The following SLC25A16 variants were observed in gnomAD, a reference collection of about 807,000 sequenced individuals.
The protein encoded by SLC25A16 is solute carrier family 25 member 16.
In SLC25A16, 39 loss-of-function variants were observed where a neutral mutation model predicts 41.5. The ratio of observed to expected loss-of-function variants is 0.94; its 90% CI spans 0.73 to 1.23. The LOEUF (loss-of-function observed/expected upper bound fraction) is 1.23. SLC25A16 is among the 50% of genes most tolerant of loss of function. The pLI is 0.00. For missense variants in SLC25A16, 421 were observed against 426.9 expected (o/e 0.99, Z 0.12); for synonymous variants, 146 against 147.8 (o/e 0.99, Z 0.09).
chr10:68,486,034 G>A (rs1232894041), intron 8 of SLC25A16, among the ~76,000 whole-genome samples: 9 of 150,584 alleles, frequency 6.0e-5, no homozygotes, highest in South Asian at 2.1e-4. Flanking sequence ...CCTTGCCAAC[G>A]TGGTGAAACC....
intron 2 of SLC25A16, among the ~76,000 whole-genome samples, chr10:68,513,186 T>C (rs1350105240): frequency 6.6e-6 from 1 of 151,772 alleles, no homozygotes; most frequent in Non-Finnish European, 1.5e-5. Flanking sequence ...CTCTATTTTT[T>C]TTTTTTTAAT....
intron 1 of SLC25A16, among the ~76,000 whole-genome samples, chr10:68,519,192 CAAAA>C (rs1564929386): frequency 6.8e-6 from 1 of 147,082 alleles, no homozygotes. Flanking sequence ...AACTCCGTCT[CAAAA>C]AACAAAAAAA....
chr10:68,522,643 G>A lies in SLC25A16; in HGVS notation c.130+4603C>T, dbSNP rs546498305. Among the ~76,000 whole-genome samples the A allele has an allele frequency of 5.3e-5, 8 of 152,024 alleles. No homozygotes were observed. The East Asian group carries it at 9.7e-4, about 18-fold the overall frequency. ...ATCCTTGCTAACACGGTGAAACCCC[G>A]TCTCTACTAAAAATACAAAAAATTA... On this transcript the variant is annotated intron_variant, in intron 1 of 8. Coordinates refer to ENST00000609923, the MANE Select transcript of SLC25A16 (RefSeq NM_152707.4).
intron 2 of SLC25A16, among the ~76,000 whole-genome samples, chr10:68,510,496 C>T (rs1463605111): frequency 1.3e-5 from 2 of 151,996 alleles, no homozygotes; most frequent in East Asian, 3.9e-4. Context: ...GAGCCGAGAT[C>T]GTGCCATTGC....
chr10:68,487,240 T>C (rs1228093127), intron 7 of SLC25A16, 28 bp from the exon 8 acceptor site: 1 of 1,603,142 alleles, frequency 6.2e-7, no homozygotes, highest in Non-Finnish European at 8.5e-7. Context: ...CATAAAGAAT[T>C]AAAAATTTTT....
intron 4 of SLC25A16, among the ~76,000 whole-genome samples, chr10:68,494,997 G>T (rs890212725): frequency 6.6e-6 from 1 of 151,474 alleles, no homozygotes; most frequent in Non-Finnish European, 1.5e-5. Context: ...GGTAAAGGAG[G>T]TGTGTGGGTA....
At chr10:68,484,817 A>G (rs1436166917) in intron 8 of SLC25A16, among the ~76,000 whole-genome samples, 2 of 152,114 alleles carry the variant, frequency 1.3e-5, no homozygotes, top group African/African-American at 2.4e-5. Context: ...TTCCCCTGAG[A>G]GACAACATAT....
chr10:68,492,558 C>T (rs1395974040), intron 6 of SLC25A16, among the ~76,000 whole-genome samples: 4 of 151,980 alleles, frequency 2.6e-5, no homozygotes, highest in Admixed American at 1.3e-4. Context: ...CACCTGAGGT[C>T]GGGAGTTTGA....
intron 2 of SLC25A16, among the ~76,000 whole-genome samples, chr10:68,509,825 ACTCAT>A (rs1241588601): frequency 2.6e-5 from 4 of 151,602 alleles, no homozygotes; most frequent in African/African-American, 9.7e-5. Context: ...AGGCGCGGTG[ACTCAT>A]GCTTCTAATC....
At chr10:68,499,359 T>C (rs1456150013) in intron 4 of SLC25A16, among the ~76,000 whole-genome samples, 1 of 152,224 alleles carries the variant, frequency 6.6e-6, no homozygotes, top group East Asian at 1.9e-4. Context: ...TCTAACACTT[T>C]CCTTCTTTTT....
chr10:68,494,266 G>T (rs892376851), intron 4 of SLC25A16, among the ~76,000 whole-genome samples: 1 of 151,562 alleles, frequency 6.6e-6, no homozygotes, highest in South Asian at 2.1e-4. Context: ...AGATCGAGCC[G>T]TCCTGGCCAA....
At chr10:68,484,767 T>C (rs1307819971) in intron 8 of SLC25A16, among the ~76,000 whole-genome samples, 1 of 152,072 alleles carries the variant, frequency 6.6e-6, no homozygotes, top group African/African-American at 2.4e-5. Context: ...ATCTTTTGGG[T>C]GAACACGGCA....
chr10:68,517,278 T>C, intron 1 of SLC25A16: 1 of 986,370 alleles, frequency 1.0e-6, no homozygotes, highest in African/African-American at 1.7e-5. Flanking sequence ...GGATCATTTT[T>C]CATTGAAACA....
chr10:68,488,997 T>A (rs1275742716), intron 6 of SLC25A16, among the ~76,000 whole-genome samples: 3 of 152,058 alleles, frequency 2.0e-5, no homozygotes, highest in Admixed American at 6.6e-5. Context: ...TGGCCGGGCG[T>A]GGTGGCTCAC....
intron 2 of SLC25A16, 149 bp downstream of exon 2, chr10:68,516,602 G>C: frequency 1.9e-6 from 1 of 530,538 alleles, no homozygotes. Flanking sequence ...TCTGAGAGAA[G>C]TTACTATTTA....
At position 68,481,807 on chromosome 10, in the gene SLC25A16, T is replaced by G. The variant is rs2133471810; in HGVS notation, c.*1625A>C. On this transcript the variant is annotated 3_prime_UTR_variant, in exon 9 of 9. Coordinates refer to ENST00000609923, the MANE Select transcript of SLC25A16 (RefSeq NM_152707.4). ...TTTGTATTTTTAGTAGAGGTGGGGT[T>G]TCACCATGCTGATCTTAAACTCCTG... 1 of 152,108 alleles carries G rather than the reference T, an allele frequency of 6.6e-6. No individual in the cohort carries two copies. Among genetic ancestry groups the G allele is most frequent in the South Asian group, 2.1e-4 (1 of 4,812 alleles). 9.4% of individuals were successfully genotyped at this position (152,108 alleles called of 1,614,324 possible).
At chr10:68,486,852 A>G (rs2052571968) in intron 8 of SLC25A16, among the ~76,000 whole-genome samples, 1 of 150,578 alleles carries the variant, frequency 6.6e-6, no homozygotes, top group South Asian at 2.1e-4. Context: ...AGCTGCTTGG[A>G]AGACCGAGGC....
chr10:68,503,388 C>T (rs975924750), intron 4 of SLC25A16: 12 of 341,728 alleles, frequency 3.5e-5, no homozygotes, highest in East Asian at 1.4e-4. Context: ...TTTCAGTTGG[C>T]GTACTGATAA....
chr10:68,500,706 A>G (rs2052827171), intron 4 of SLC25A16, among the ~76,000 whole-genome samples: 1 of 151,154 alleles, frequency 6.6e-6, no homozygotes, highest in Non-Finnish European at 1.5e-5. Context: ...CAAGGCAGGT[A>G]GATCACCTGA....
Sources: gnomAD v4.1 joint callset for allele counts (sites outside exome capture counted in the v4.1 genomes callset) on GRCh38, gnomAD v4.1.1 for gene constraint, MANE v1.5 for transcripts, NCBI Gene and HGNC (gene_info 2026-07-23, HGNC 2026-07-21) for gene names.